The following ASIC2 variants were observed in gnomAD, a reference collection of about 807,000 sequenced individuals.
The protein encoded by ASIC2 is acid-sensing ion channel 2.
ASIC2 carries 25 observed loss-of-function variants against 57.3 expected under a neutral mutation model. The observed-to-expected ratio is 0.44, with a 90% CI of 0.32 to 0.61. ASIC2 has a LOEUF of 0.61. Ranked by LOEUF, ASIC2 falls within the 20% of genes least tolerant of loss-of-function variation. The pLI, the probability that ASIC2 is intolerant of heterozygous loss-of-function variation, is 0.06. For missense variants in ASIC2, 641 were observed against 738.1 expected (o/e 0.87, Z 1.52); for synonymous variants, 319 against 307.5 (o/e 1.04, Z -0.39).
chr17:34,041,610 G>A (rs558902575), intron 1 of ASIC2, among the ~76,000 whole-genome samples: 40 of 152,322 alleles, frequency 2.6e-4, no homozygotes, highest in African/African-American at 9.6e-4. Context: ...TGTCAGAGAA[G>A]TAAATACTAT....
At chr17:33,448,805 C>T (rs1123025) in intron 1 of ASIC2, among the ~76,000 whole-genome samples, 71,023 of 152,056 alleles carry the variant, frequency 0.47, 16,913 homozygotes, top group South Asian at 0.56. Flanking sequence ...AGGGGCCATC[C>T]GTTTTCATCC....
At position 33,937,907 on chromosome 17, in the gene ASIC2, G is replaced by A. The variant is rs573151112; in HGVS notation, c.555+218071C>T. ...ATGACTTTTAGGGCTGGCAATTTCT[G>A]TCCTTTGTGGGCAACATTGCCATTA... On this transcript the variant is annotated intron_variant, in intron 1 of 9. Transcript: ENST00000359872. Among the ~76,000 whole-genome samples, 6 of 152,294 alleles carry A rather than the reference G, an allele frequency of 3.9e-5. No individual in the cohort carries two copies. The East Asian group carries it at 7.7e-4, about 20-fold the overall frequency.
intron 1 of ASIC2, among the ~76,000 whole-genome samples, chr17:33,875,867 T>G (rs1489652683): frequency 6.6e-6 from 1 of 152,126 alleles, no homozygotes; most frequent in Non-Finnish European, 1.5e-5. Flanking sequence ...CCAGCTTTTG[T>G]AATACCACTC....
chr17:33,560,213 T>C (rs189460155), intron 1 of ASIC2, among the ~76,000 whole-genome samples: 1 of 152,306 alleles, frequency 6.6e-6, no homozygotes, highest in East Asian at 1.9e-4. Context: ...TTGCTAAAAA[T>C]AACACCTCAA....
chr17:33,038,282 C>T (rs2091917166), intron 3 of ASIC2, among the ~76,000 whole-genome samples: 1 of 152,184 alleles, frequency 6.6e-6, no homozygotes, highest in Non-Finnish European at 1.5e-5. Context: ...ATTCTAGCTC[C>T]ACCTTGGCTC....
chr17:33,257,048 A>G (rs1381598844), intron 1 of ASIC2, among the ~76,000 whole-genome samples: 1 of 152,202 alleles, frequency 6.6e-6, no homozygotes, highest in Non-Finnish European at 1.5e-5. Context: ...GGTCTAATGT[A>G]TCCCACAAAT....
intron 1 of ASIC2, among the ~76,000 whole-genome samples, chr17:33,147,959 G>C (rs375324627): frequency 3.3e-5 from 5 of 152,158 alleles, no homozygotes; most frequent in African/African-American, 1.2e-4. Flanking sequence ...TATCCAAGCA[G>C]GTGAACTTTG....
intron 1 of ASIC2, among the ~76,000 whole-genome samples, chr17:33,914,308 G>T (rs566541198): frequency 2.6e-5 from 4 of 152,314 alleles, no homozygotes; most frequent in Non-Finnish European, 5.9e-5. Context: ...TGACTCTGCA[G>T]TTCTCATTTA....
At chr17:33,229,793 A>C (rs1418366914) in intron 1 of ASIC2, among the ~76,000 whole-genome samples, 1 of 152,204 alleles carries the variant, frequency 6.6e-6, no homozygotes, top group Non-Finnish European at 1.5e-5. Context: ...AGTCTGTACA[A>C]TGAGCGAATC....
chr17:33,954,357 C>T (rs1461971886), intron 1 of ASIC2, among the ~76,000 whole-genome samples: 1 of 152,180 alleles, frequency 6.6e-6, no homozygotes, highest in Non-Finnish European at 1.5e-5. Flanking sequence ...CTGGGCCACA[C>T]ATGATCCTGT....
At chr17:33,579,199 T>C (rs1261360128) in intron 1 of ASIC2, among the ~76,000 whole-genome samples, 1 of 149,822 alleles carries the variant, frequency 6.7e-6, no homozygotes, top group Non-Finnish European at 1.5e-5. Context: ...GGCAGGAGAA[T>C]CGCTTGAACC....
chr17:33,573,293 T>A (rs912400103), intron 1 of ASIC2, among the ~76,000 whole-genome samples: 10 of 152,220 alleles, frequency 6.6e-5, no homozygotes, highest in African/African-American at 9.7e-5. Context: ...TCATTTAACT[T>A]TATTTATAAG....
chr17:33,727,447 C>G (rs550552997), intron 1 of ASIC2, among the ~76,000 whole-genome samples: 2 of 152,258 alleles, frequency 1.3e-5, no homozygotes, highest in East Asian at 3.9e-4. Context: ...TGTCCCTGCC[C>G]AAACCTCATG....
chr17:33,087,575 GTTTTTT>G (rs5820015), intron 3 of ASIC2, among the ~76,000 whole-genome samples: 2,389 of 111,056 alleles, frequency 0.022, 98 homozygotes, highest in African/African-American at 0.076. Flanking sequence ...TACAACCAGT[GTTTTTT>G]TTTTTTTTTT....
chr17:33,046,310 A>G (rs16590), intron 3 of ASIC2, among the ~76,000 whole-genome samples: 31,716 of 151,988 alleles, frequency 0.21, 3,674 homozygotes, highest in East Asian at 0.36. Flanking sequence ...GCTTTTTTCA[A>G]TGGGTGTATT....
chr17:33,811,463 G>A (rs1912420222), intron 1 of ASIC2, among the ~76,000 whole-genome samples: 1 of 152,158 alleles, frequency 6.6e-6, no homozygotes, highest in African/African-American at 2.4e-5. Flanking sequence ...TGCAGGCATT[G>A]TTTCATTTAA....
intron 1 of ASIC2, among the ~76,000 whole-genome samples, chr17:33,845,992 G>C (rs959598353): frequency 3.9e-5 from 6 of 152,108 alleles, no homozygotes; most frequent in African/African-American, 1.4e-4. Flanking sequence ...AGGGGACTTT[G>C]GAAAATTCAT....
At chr17:33,586,369 T>C (rs1029914352) in intron 1 of ASIC2, among the ~76,000 whole-genome samples, 3 of 152,286 alleles carry the variant, frequency 2.0e-5, no homozygotes, top group Admixed American at 6.5e-5. Context: ...TCTTGGGTTA[T>C]TGCAATAGCT....
At chr17:33,118,690 G>A (rs556526789) in intron 1 of ASIC2, among the ~76,000 whole-genome samples, 2 of 152,280 alleles carry the variant, frequency 1.3e-5, no homozygotes, top group African/African-American at 4.8e-5. Context: ...GGGAGTCTAA[G>A]GTTCAGAGGG....
Sources: allele counts gnomAD v4.1 joint callset (sites outside exome capture counted in the v4.1 genomes callset), GRCh38; gene constraint gnomAD v4.1.1; transcripts MANE v1.5; gene names NCBI Gene and HGNC (gene_info 2026-07-23, HGNC 2026-07-21).